The following CDH18 variants were observed in gnomAD, a reference collection of about 807,000 sequenced individuals.
The protein encoded by CDH18 is cadherin-18.
A neutral mutation model predicts 67.9 loss-of-function variants in CDH18; 31 were observed. That is an observed-to-expected ratio of 0.46 (90% CI 0.34 to 0.62). The LOEUF (loss-of-function observed/expected upper bound fraction) is 0.62, where lower values mean the gene tolerates loss of function less well. CDH18 is among the 20% of genes least tolerant of loss of function. The probability of loss-of-function intolerance (pLI) is 0.01; values close to 1 mark genes in which losing one functional copy is unlikely to be tolerated. For missense variants in CDH18, 890 were observed against 975.5 expected, an observed-to-expected ratio of 0.91 and a Z score of 1.17; for synonymous variants, 362 against 347.2, an observed-to-expected ratio of 1.04 and a Z score of -0.48.
At chr5:20,116,889 T>C (rs1172413969) in intron 2 of CDH18, among the ~76,000 whole-genome samples, 2 of 152,142 alleles carry the variant, frequency 1.3e-5, no homozygotes, top group South Asian at 2.1e-4. Context: ...TGGATGGGGT[T>C]ATAAAAGTAA....
chr5:19,920,304 A>G (rs1792286638), intron 2 of CDH18, among the ~76,000 whole-genome samples: 1 of 152,192 alleles, frequency 6.6e-6, no homozygotes, highest in African/African-American at 2.4e-5. Context: ...AATAACAGAA[A>G]CAGATGTTAA....
intron 1 of CDH18, among the ~76,000 whole-genome samples, chr5:20,546,001 C>T (rs1191278625): frequency 1.3e-5 from 2 of 152,130 alleles, no homozygotes; most frequent in African/African-American, 4.8e-5. Flanking sequence ...GAATGCTTTG[C>T]TGCTTAGAAA....
chr5:19,966,300 G>A (rs1797433408), intron 2 of CDH18, among the ~76,000 whole-genome samples: 1 of 152,082 alleles, frequency 6.6e-6, no homozygotes, highest in South Asian at 2.1e-4. Context: ...TGCTCAGAGA[G>A]AAAAACATGT....
chr5:20,079,307 C>A (rs1328598174), intron 2 of CDH18, among the ~76,000 whole-genome samples: 1 of 152,042 alleles, frequency 6.6e-6, no homozygotes. Context: ...TAAATGAGAC[C>A]ATATGATATT....
chr5:20,166,220 C>A (rs766556421), intron 2 of CDH18, among the ~76,000 whole-genome samples: 21 of 152,082 alleles, frequency 1.4e-4, no homozygotes, highest in Admixed American at 2.6e-4. Flanking sequence ...GCTGGCGGAT[C>A]ACCTGAAGTC....
chr5:20,061,950 T>C (rs1027318042), intron 2 of CDH18, among the ~76,000 whole-genome samples: 1 of 151,978 alleles, frequency 6.6e-6, no homozygotes, highest in African/African-American at 2.4e-5. Flanking sequence ...TGGCCCTCAT[T>C]GCATGTCACA....
At chr5:20,232,748 C>G (rs113706339) in intron 2 of CDH18, among the ~76,000 whole-genome samples, 1 of 151,938 alleles carries the variant, frequency 6.6e-6, no homozygotes, top group African/African-American at 2.4e-5. Flanking sequence ...TATTTTGAAA[C>G]CTTTTTTATA....
intron 2 of CDH18, among the ~76,000 whole-genome samples, chr5:20,230,045 T>C (rs963233222): frequency 2.0e-5 from 3 of 152,208 alleles, no homozygotes; most frequent in Non-Finnish European, 2.9e-5. Flanking sequence ...ATAACTATTC[T>C]GTCTTTCAGG....
At chr5:20,485,733 G>T (rs1322425392) in intron 1 of CDH18, among the ~76,000 whole-genome samples, 1 of 152,044 alleles carries the variant, frequency 6.6e-6, no homozygotes, top group Admixed American at 6.6e-5. Context: ...CTCTATAAGT[G>T]CATCTTTATG....
intron 3 of CDH18, among the ~76,000 whole-genome samples, chr5:19,769,955 T>G (rs906059465): frequency 1.3e-5 from 2 of 151,812 alleles, no homozygotes; most frequent in African/African-American, 4.8e-5. Flanking sequence ...AAAGAAGATA[T>G]GTAAACAATA....
intron 2 of CDH18, among the ~76,000 whole-genome samples, chr5:19,944,155 G>C (rs57598264): frequency 3.3e-5 from 5 of 151,840 alleles, no homozygotes; most frequent in African/African-American, 7.2e-5. Context: ...ATGATTGTTC[G>C]TTTCCCACTA....
intron 11 of CDH18, among the ~76,000 whole-genome samples, chr5:19,492,077 AT>A (rs1221408258): frequency 9.2e-5 from 14 of 152,110 alleles, no homozygotes; most frequent in African/African-American, 3.1e-4. Flanking sequence ...TCAAAAAAAA[AT>A]AAGCATTTTC....
intron 2 of CDH18, among the ~76,000 whole-genome samples, chr5:20,170,517 A>G (rs1426753890): frequency 6.6e-6 from 1 of 152,116 alleles, no homozygotes; most frequent in Non-Finnish European, 1.5e-5. Context: ...ATAAATATGT[A>G]AAATATATGT....
chr5:19,791,129 CA>C (rs1283173687), intron 3 of CDH18, among the ~76,000 whole-genome samples: 3 of 152,072 alleles, frequency 2.0e-5, no homozygotes, highest in Non-Finnish European at 4.4e-5. Flanking sequence ...CTACAGGAAT[CA>C]GAAGCTCATG....
At chr5:19,667,537 CACAT>C (rs1758145898) in intron 5 of CDH18, among the ~76,000 whole-genome samples, 2 of 150,344 alleles carry the variant, frequency 1.3e-5, no homozygotes, top group Non-Finnish European at 1.5e-5. Flanking sequence ...CACATACACA[CACAT>C]AAACTGATTT....
chr5:20,153,196 C>G (rs1202055954), intron 2 of CDH18, among the ~76,000 whole-genome samples: 1 of 151,884 alleles, frequency 6.6e-6, no homozygotes, highest in Non-Finnish European at 1.5e-5. Flanking sequence ...CTTGCCTTGG[C>G]CTCCCAAAGG....
At chr5:19,715,991 T>G (rs59925754) in intron 5 of CDH18, among the ~76,000 whole-genome samples, 2 of 151,842 alleles carry the variant, frequency 1.3e-5, no homozygotes, top group East Asian at 3.9e-4. Flanking sequence ...CTAATTTTTG[T>G]ATTTTTCAGC....
intron 2 of CDH18, among the ~76,000 whole-genome samples, chr5:19,918,417 C>A (rs530594155): frequency 8.7e-4 from 133 of 152,184 alleles, no homozygotes; most frequent in Non-Finnish European, 1.5e-3. Context: ...TACATAGAAC[C>A]TTTGGAAAAA....
At chr5:19,604,095 G>A (rs1580445478) in intron 6 of CDH18, among the ~76,000 whole-genome samples, 1 of 151,922 alleles carries the variant, frequency 6.6e-6, no homozygotes, top group Non-Finnish European at 1.5e-5. Flanking sequence ...ACTTAAGGAA[G>A]GAAGACATGG....
Sources: allele counts gnomAD v4.1 joint callset (sites outside exome capture counted in the v4.1 genomes callset), GRCh38; gene constraint gnomAD v4.1.1; transcripts MANE v1.5; gene names NCBI Gene and HGNC (gene_info 2026-07-23, HGNC 2026-07-21).